GPM6B: variants seen among roughly 807,000 people sequenced by gnomAD.
GPM6B encodes neuronal membrane glycoprotein M6-b.
In GPM6B, 4 loss-of-function variants were observed where a neutral mutation model predicts 27.2. That is an observed-to-expected ratio of 0.15 (90% CI 0.07 to 0.34). The LOEUF is 0.34. Ranked by LOEUF, GPM6B falls within the 10% of genes least tolerant of loss-of-function variation. GPM6B has a pLI of 1.00. For missense variants in GPM6B, 183 were observed against 261.9 expected (o/e 0.70, Z 2.08); for synonymous variants, 124 against 103.1 (o/e 1.20, Z -1.23).
At chrX:13,930,731 A>G (rs1174015508) in intron 1 of GPM6B, among the ~76,000 whole-genome samples, 2 of 112,982 alleles carry the variant, frequency 1.8e-5, no homozygotes, top group Non-Finnish European at 3.7e-5. Context: ...CTTAGATAAA[A>G]TGGACAAAGC....
chrX:13,834,040 C>T (rs1312254927), intron 1 of GPM6B, among the ~76,000 whole-genome samples: 1 of 112,478 alleles, frequency 8.9e-6, no homozygotes, highest in Non-Finnish European at 1.9e-5. Context: ...GAAACTACAA[C>T]GAGAAGAATT....
intron 1 of GPM6B, among the ~76,000 whole-genome samples, chrX:13,826,300 T>G (rs1157310770): frequency 9.0e-6 from 1 of 110,738 alleles, no homozygotes; most frequent in Non-Finnish European, 1.9e-5. Context: ...ACCCTTACCT[T>G]ACGTCTCAGC....
chrX:13,895,045 T>A (rs766483206), intron 1 of GPM6B, among the ~76,000 whole-genome samples: 1 of 111,951 alleles, frequency 8.9e-6, no homozygotes, highest in African/African-American at 3.2e-5. Flanking sequence ...CAAGTGAATA[T>A]TTTCTTTTGA....
intron 1 of GPM6B, among the ~76,000 whole-genome samples, chrX:13,894,533 G>A (rs185201999): frequency 2.7e-5 from 3 of 112,053 alleles, no homozygotes; most frequent in South Asian, 3.7e-4. Context: ...GGTTAGAAAC[G>A]AATATTCCTA....
chrX:13,867,298 T>C (rs1282893199), intron 1 of GPM6B, among the ~76,000 whole-genome samples: 1 of 110,930 alleles, frequency 9.0e-6, no homozygotes, highest in Non-Finnish European at 1.9e-5. Context: ...TCTGTAGAGA[T>C]GGGGTTTTGC....
At chrX:13,904,076 C>T (rs771384718) in intron 1 of GPM6B, among the ~76,000 whole-genome samples, 3 of 109,210 alleles carry the variant, frequency 2.7e-5, no homozygotes, top group Non-Finnish European at 5.7e-5. Flanking sequence ...CTTAAATGCA[C>T]GAAAAAATAT....
chrX:13,792,289 T>C (rs1280783582), intron 2 of GPM6B, among the ~76,000 whole-genome samples: 1 of 111,575 alleles, frequency 9.0e-6, no homozygotes, highest in African/African-American at 3.3e-5. Flanking sequence ...ACCCACAGTG[T>C]ACAGAATATG....
chrX:13,807,944 T>TTTC (rs1569221193), intron 1 of GPM6B, among the ~76,000 whole-genome samples, 175 bp from the exon 2 acceptor site: 1 of 112,594 alleles, frequency 8.9e-6, no homozygotes, highest in African/African-American at 3.2e-5. Context: ...CGTTTCTAAA[T>TTTC]TGAAGTTTAT....
chrX:13,879,064 A>G (rs2050069050), intron 1 of GPM6B, among the ~76,000 whole-genome samples: 1 of 112,097 alleles, frequency 8.9e-6, no homozygotes, highest in African/African-American at 3.2e-5. Flanking sequence ...TTAAGCCACT[A>G]AATTTGTGGT....
chrX:13,829,320 A>G (rs2049411655), intron 1 of GPM6B, among the ~76,000 whole-genome samples: 1 of 111,594 alleles, frequency 9.0e-6, no homozygotes, highest in Non-Finnish European at 1.9e-5. Context: ...TTCATTGTCT[A>G]CCAAAAGGAC....
At position 13,805,213 on chromosome X, in the gene GPM6B, C is replaced by T. The variant is rs145633876; in HGVS notation, c.181+2437G>A. Among the ~76,000 whole-genome samples the T allele has an allele frequency of 6.7e-3, 749 of 112,320 alleles. 8 individuals carry two copies. The highest frequency in any genetic ancestry group is 0.023 in the African/African-American group (713 of 30,932). ...AGAACCTGTTAGTTCATGGAATTCTCGCTTGCAGTAGTATCACCAGCAACC... is the reference window on the plus strand; with the variant it reads ...AGAACCTGTTAGTTCATGGAATTCTTGCTTGCAGTAGTATCACCAGCAACC... On this transcript the variant is annotated intron_variant, in intron 2 of 7. Coordinates refer to ENST00000316715, the MANE Select transcript of GPM6B (RefSeq NM_001001995.3).
intron 2 of GPM6B, among the ~76,000 whole-genome samples, chrX:13,798,565 T>C (rs1165068008): frequency 8.9e-6 from 1 of 112,733 alleles, no homozygotes; most frequent in Non-Finnish European, 1.9e-5. Context: ...TTAAATGTAT[T>C]GGTTTATGCA....
Position 13,905,401 on chromosome X carries a change from C to A in GPM6B, c.-198+32926G>T, listed in dbSNP as rs2050321026. 2.7e-5 allele frequency among the ~76,000 whole-genome samples: 3 copies of A among 111,222 alleles called. 1 individual carries two copies. In the Admixed American group the frequency reaches 2.9e-4, roughly 11 times the overall value. On this transcript the variant is annotated intron_variant, in intron 1 of 6. Transcript: ENST00000398361. ...TTAGTTCTTCACACAGTTTCTTAAA[C>A]TCAGTGGCTGACGTGGAATATTTCC...
chrX:13,818,538 C>T (rs766164945), upstream of GPM6B, among the ~76,000 whole-genome samples: 12 of 112,360 alleles, frequency 1.1e-4, no homozygotes, highest in Admixed American at 1.9e-4. Flanking sequence ...ACCAGTTTAG[C>T]TTGTTTCAAC....
upstream of GPM6B, among the ~76,000 whole-genome samples, chrX:13,818,446 T>A (rs1025551006): frequency 1.8e-5 from 2 of 112,736 alleles, no homozygotes; most frequent in Non-Finnish European, 3.7e-5. Flanking sequence ...CCTGATCTTT[T>A]AATACCTTGG....
intron 1 of GPM6B, among the ~76,000 whole-genome samples, chrX:13,916,663 A>ATGTGTGTGTGTGTGTG (rs55844856): frequency 2.9e-4 from 26 of 90,155 alleles, no homozygotes; most frequent in South Asian, 1.2e-3. Context: ...TAGTTTATTA[A>ATGTGTGTGTGTGTGTG]TGTGTGTGTG....
At chrX:13,881,334 A>AC (rs945411299) in intron 1 of GPM6B, among the ~76,000 whole-genome samples, 7 of 111,606 alleles carry the variant, frequency 6.3e-5, no homozygotes, top group African/African-American at 2.3e-4. Context: ...ACACAGCGAG[A>AC]CCCCATCTCT....
chrX:13,910,013 G>A (rs944769211), intron 1 of GPM6B, among the ~76,000 whole-genome samples: 1 of 111,776 alleles, frequency 8.9e-6, no homozygotes, highest in Non-Finnish European at 1.9e-5. Flanking sequence ...CCCCTTTCAG[G>A]TGAACCGCGT....
At chrX:13,788,246 G>A (rs908897389) in intron 2 of GPM6B, among the ~76,000 whole-genome samples, 1 of 111,633 alleles carries the variant, frequency 9.0e-6, no homozygotes, top group Admixed American at 9.6e-5. Flanking sequence ...GACCTACTGG[G>A]TGCCAAGTAC....
Sources: gnomAD v4.1 joint callset for allele counts (sites outside exome capture counted in the v4.1 genomes callset) on GRCh38, gnomAD v4.1.1 for gene constraint, MANE v1.5 for transcripts, NCBI Gene and HGNC (gene_info 2026-07-23, HGNC 2026-07-21) for gene names.